Variants in VIM observed in about 807,000 individuals in gnomAD.
The protein encoded by VIM is vimentin.
VIM carries 18 observed loss-of-function variants against 50.3 expected under a neutral mutation model. The ratio of observed to expected loss-of-function variants is 0.36; its 90% CI spans 0.25 to 0.53. VIM has a LOEUF of 0.53. Ranked by LOEUF, VIM falls within the 20% of genes least tolerant of loss-of-function variation. The pLI, the probability that VIM is intolerant of heterozygous loss-of-function variation, is 0.91. For missense variants in VIM, 551 were observed against 614.7 expected, an observed-to-expected ratio of 0.90 and a Z score of 1.10; for synonymous variants, 245 against 248.5, an observed-to-expected ratio of 0.99 and a Z score of 0.13.
chr10:17,229,332 C>T lies in VIM; in HGVS notation c.-91C>T. ...GCCAGAGACGCAGCCGCGCTCCCAC[C>T]ACCCACACCCACCGCGCCCTCGTTC... On this transcript the variant is annotated 5_prime_UTR_variant, in exon 2 of 10. Coordinates refer to ENST00000544301, the MANE Select transcript of VIM (RefSeq NM_003380.5). The T allele has an allele frequency of 7.3e-7, 1 of 1,362,218 alleles. No homozygotes were observed. The highest frequency in any genetic ancestry group is 1.0e-6 in the Non-Finnish European group (1 of 993,504). 84.4% of individuals were successfully genotyped at this position (1,362,218 alleles called of 1,614,324 possible).
intron 3 of VIM, among the ~76,000 whole-genome samples, chr10:17,231,388 G>A (rs1331753556): frequency 2.0e-5 from 3 of 152,188 alleles, no homozygotes; most frequent in Non-Finnish European, 4.4e-5. Context: ...CCTTGGCTAA[G>A]GGGTATTAAT....
chr10:17,230,252 C>T (rs1358576971), intron 2 of VIM: 3 of 587,214 alleles, frequency 5.1e-6, no homozygotes, highest in Non-Finnish European at 9.1e-6. Context: ...AAAACTACCA[C>T]TTTGTGTGCA....
At position 17,229,439 on chromosome 10, in the gene VIM, T is replaced by C. The variant is rs1230052576; in HGVS notation, c.17T>C (p.Val6Ala). ...TCCGCAGCCATGTCCACCAGGTCCG[T>C]GTCCTCGTCCTCCTACCGCAGGATG... Reference protein sequence around the residue: MSTRSVSSSSYRRMFG... With the variant: MSTRSASSSSYRRMFG... The change falls in exon 2 of 10, where the codon GTG (valine) becomes GCG (alanine). Residue 6 changes from valine to alanine, a missense_variant. Coordinates refer to ENST00000544301, the MANE Select transcript of VIM (RefSeq NM_003380.5). The C allele has an allele frequency of 6.2e-7, 1 of 1,606,006 alleles. No homozygotes were observed. Among genetic ancestry groups the C allele is most frequent in the African/African-American group, 1.3e-5 (1 of 74,888 alleles).
At chr10:17,230,523 G>A in intron 2 of VIM, 127 bp from the exon 3 acceptor site, 1 of 1,070,104 alleles carries the variant, frequency 9.3e-7, no homozygotes, top group Non-Finnish European at 1.5e-6. Context: ...GAAAGCTGCA[G>A]GCGCTAGTTG....
At chr10:17,234,915 A>G (rs550110142) in intron 6 of VIM, 97 bp downstream of exon 6, 2 of 1,536,646 alleles carry the variant, frequency 1.3e-6, no homozygotes, top group African/African-American at 2.7e-5. Flanking sequence ...GTGAGTAAAA[A>G]TGTATATCAT....
At chr10:17,230,098 GAGGCCTGCC>G in intron 2 of VIM, 113 bp downstream of exon 2, 1 of 1,331,020 alleles carries the variant, frequency 7.5e-7, no homozygotes, top group African/African-American at 1.5e-5. Context: ...TGGCCGGGGG[GAGGCCTGCC>G]AGGGAGACAG....
At chr10:17,236,421 G>A (rs1199589182) in intron 9 of VIM, 42 bp downstream of exon 9, 1 of 1,455,296 alleles carries the variant, frequency 6.9e-7, no homozygotes, top group Non-Finnish European at 9.7e-7. Flanking sequence ...TCTCAGACAG[G>A]AGTTGATATA....
Position 17,233,854 on chromosome 10 carries a change from C to A in VIM, c.805C>A (p.Leu269Met). The change falls in exon 5 of 10, where the codon CTG (leucine) becomes ATG (methionine). Residue 269 changes from leucine (L) to methionine (M), a missense_variant. Leu to Met is a conservative substitution (Grantham distance 15, BLOSUM62 2). Coordinates refer to ENST00000544301, the MANE Select transcript of VIM (RefSeq NM_003380.5). The stretch of plus-strand genomic sequence containing the variant: ...TTCCAAGCCTGACCTCACGGCTGCC[C>A]TGCGTGACGTACGTCAGCAATATGA... ...DVSKPDLTAA[L>M]RDVRQQYESV... 6.2e-7 allele frequency: 1 copy of A among 1,614,174 alleles called. No individual in the cohort carries two copies. The highest frequency in any genetic ancestry group is 8.5e-7 in the Non-Finnish European group (1 of 1,180,038).
Position 17,229,972 on chromosome 10 carries a change from C to T in VIM, c.550C>T (p.Arg184Cys), listed in dbSNP as rs1459289381. The T allele has an allele frequency of 6.2e-7, 1 of 1,611,040 alleles. No homozygotes were observed. Among genetic ancestry groups the T allele is most frequent in the South Asian group, 1.1e-5 (1 of 90,564 alleles). ...CGACAACCTGGCCGAGGACATCATG[C>T]GCCTCCGGGAGAAGTAAGGCTGCGC... Reference protein sequence around the residue: ...ERDNLAEDIMRLREKLQEEML... With the variant: ...ERDNLAEDIMCLREKLQEEML... The change falls in exon 2 of 10, where the codon CGC becomes TGC. Residue 184 changes from arginine (R) to cysteine (C), a missense_variant. Arg to Cys is a radical substitution (Grantham distance 180, BLOSUM62 -3). Coordinates refer to ENST00000544301, the MANE Select transcript of VIM (RefSeq NM_003380.5).
At chr10:17,230,313 G>C (rs1846763608) in intron 2 of VIM, 1 of 567,032 alleles carries the variant, frequency 1.8e-6, no homozygotes, top group Non-Finnish European at 3.2e-6. Context: ...CTTTCAGAAA[G>C]TTTCCTGCCC....
At position 17,236,296 on chromosome 10, in the gene VIM, A is replaced by G; in HGVS notation, c.1276A>G (p.Thr426Ala). 1 of 1,612,822 alleles carries G rather than the reference A, an allele frequency of 6.2e-7. No homozygotes were observed. Among genetic ancestry groups the G allele is most frequent in the Non-Finnish European group, 8.5e-7 (1 of 1,178,890 alleles). Residue 426 changes from threonine (T) to alanine (A), a missense_variant and splice_region_variant, in exon 9 of 10, where the codon ACT becomes GCT. This residue lies in a region of VIM where 394 missense variants were observed against 437.5 expected (regional missense o/e 0.90). Transcript: ENST00000544301. ...PNFSSLNLRE[T>A]NLDSLPLVDT... ...TTTTGGCCTGTTTGTTTATTTAGAA[A>G]CTAATCTGGATTCACTCCCTCTGGT...
At chr10:17,236,854 TTATTG>T (rs2131684728) in intron 9 of VIM, among the ~76,000 whole-genome samples, 1 of 152,326 alleles carries the variant, frequency 6.6e-6, no homozygotes, top group African/African-American at 2.4e-5. Flanking sequence ...TAGTTGCAAT[TTATTG>T]TAGTCATCAT....
In VIM at chr10:17,229,895, G is replaced by C; in HGVS notation, c.473G>C (p.Arg158Pro). 1.2e-6 allele frequency: 2 copies of C among 1,612,004 alleles called. No homozygotes were observed. The highest frequency in any genetic ancestry group is 1.7e-6 in the Non-Finnish European group (2 of 1,179,450). ...DLYEEEMREL[R>P]RQVDQLTNDK... ...TACGAGGAGGAGATGCGGGAGCTGC[G>C]CCGGCAGGTGGACCAGCTAACCAAC... Residue 158 changes from arginine to proline, a missense_variant, in exon 2 of 10, where the codon CGC (arginine) becomes CCC (proline). Around this residue, in one of 3 missense-constraint regions of VIM, gnomAD observed 394 missense variants for 437.5 expected, o/e 0.90. Coordinates refer to ENST00000544301, the MANE Select transcript of VIM (RefSeq NM_003380.5).
Position 17,233,608 on chromosome 10 carries a change from G to A in VIM, c.646G>A (p.Ala216Thr), listed in dbSNP as rs138235394. Residue 216 changes from alanine to threonine, a missense_variant, in exon 4 of 10, where the codon GCA becomes ACA. Ala to Thr is a moderately conservative substitution (Grantham distance 58, BLOSUM62 0). This residue lies in a region of VIM where 394 missense variants were observed against 437.5 expected (regional missense o/e 0.90). Coordinates refer to ENST00000544301, the MANE Select transcript of VIM (RefSeq NM_003380.5). ...FRQDVDNASLARLDLERKVES... is the reference protein window; with the variant it reads ...FRQDVDNASLTRLDLERKVES... ...ATAGGATGTTGACAATGCGTCTCTG[G>A]CACGTCTTGACCTTGAACGCAAAGT... 59 of 1,614,138 alleles carry A rather than the reference G, an allele frequency of 3.7e-5. No individual in the cohort carries two copies. The African/African-American group carries it at 7.6e-4, about 21-fold the overall frequency.
intron 2 of VIM, 45 bp downstream of exon 2, chr10:17,230,030 G>C (rs1405180832): frequency 6.4e-7 from 1 of 1,560,466 alleles, no homozygotes; most frequent in East Asian, 2.3e-5. Context: ...GGAGGGGGCT[G>C]GAGGGAGAGG....
chr10:17,229,342 C>G lies in VIM; in HGVS notation c.-81C>G, dbSNP rs915951014. Reference sequence around the variant, plus strand: ...CAGCCGCGCTCCCACCACCCACACCCACCGCGCCCTCGTTCGCCTCTTCTC... The same window carrying G: ...CAGCCGCGCTCCCACCACCCACACCGACCGCGCCCTCGTTCGCCTCTTCTC... On this transcript the variant is annotated 5_prime_UTR_variant, in exon 2 of 10. Transcript: ENST00000544301. 5 of 1,434,624 alleles carry G rather than the reference C, an allele frequency of 3.5e-6. No homozygotes were observed. Among genetic ancestry groups the G allele is most frequent in the Non-Finnish European group, 3.8e-6 (4 of 1,056,984 alleles). 88.9% of individuals were successfully genotyped at this position (1,434,624 alleles called of 1,614,324 possible).
At chr10:17,231,188 C>G (rs1367472627) in intron 3 of VIM, 1 of 155,476 alleles carries the variant, frequency 6.4e-6, no homozygotes, top group Admixed American at 6.4e-5. Flanking sequence ...CCACAAAAAG[C>G]GCAATTATGC....
Position 17,229,996 on chromosome 10 carries a change from G to T in VIM, c.563+11G>T, listed in dbSNP as rs1223698390. On this transcript the variant is annotated intron_variant, in intron 2 of 9. Coordinates refer to ENST00000544301, the MANE Select transcript of VIM (RefSeq NM_003380.5). ...GCGCCTCCGGGAGAAGTAAGGCTGC[G>T]CCCATGCAAGTAGCTGGGCCTCGGG... 2 of 1,605,162 alleles carry T rather than the reference G, an allele frequency of 1.2e-6. No individual in the cohort carries two copies. The highest frequency in any genetic ancestry group is 8.5e-7 in the Non-Finnish European group (1 of 1,176,806).
intron 9 of VIM, among the ~76,000 whole-genome samples, chr10:17,236,737 G>A (rs1235136826): frequency 6.6e-6 from 1 of 152,156 alleles, no homozygotes; most frequent in African/African-American, 2.4e-5. Context: ...GACATATGGT[G>A]TCTTCCTACC....
Sources: allele counts gnomAD v4.1 joint callset (sites outside exome capture counted in the v4.1 genomes callset), GRCh38; gene constraint gnomAD v4.1.1; regional missense constraint gnomAD v4.1.1; transcripts MANE v1.5; gene names NCBI Gene and HGNC (gene_info 2026-07-23, HGNC 2026-07-21).